The following BAZ2B variants were observed in gnomAD, a reference collection of about 807,000 sequenced individuals.
The protein encoded by BAZ2B is bromodomain adjacent to zinc finger domain 2B.
Under a neutral mutation model 246.0 loss-of-function variants are expected in BAZ2B, and 91 were observed. That is an observed-to-expected ratio of 0.37 (90% CI 0.31 to 0.44). BAZ2B has a LOEUF of 0.44. Ranked by LOEUF, BAZ2B falls within the 20% of genes least tolerant of loss-of-function variation. BAZ2B has a pLI of 1.00. For missense variants in BAZ2B, 2,332 were observed against 2,533.7 expected (o/e 0.92, Z 1.71); for synonymous variants, 855 against 860.0 (o/e 0.99, Z 0.10).
intron 33 of BAZ2B, 136 bp from the exon 34 acceptor site, chr2:159,332,822 C>T: frequency 3.0e-6 from 3 of 994,680 alleles, no homozygotes; most frequent in Non-Finnish European, 4.4e-6. Context: ...AGTAGCCATA[C>T]ACATCTATGT....
intron 6 of BAZ2B, among the ~76,000 whole-genome samples, chr2:159,442,046 T>C (rs1327217271): frequency 1.3e-5 from 2 of 152,124 alleles, no homozygotes; most frequent in African/African-American, 4.8e-5. Flanking sequence ...TAGTGAGAAC[T>C]AGAAGAAGAG....
chr2:159,533,510 A>T (rs927400117), intron 2 of BAZ2B, among the ~76,000 whole-genome samples: 13 of 152,136 alleles, frequency 8.5e-5, no homozygotes, highest in Non-Finnish European at 1.8e-4. Context: ...CATTATCTTA[A>T]TTTCCCCACA....
rs1235025132 is a variant in BAZ2B, at chr2:159,320,099, A to C, written c.*166T>G. On this transcript the variant is annotated 3_prime_UTR_variant, in exon 37 of 37. Coordinates refer to ENST00000392783, the MANE Select transcript of BAZ2B (RefSeq NM_013450.4). ...ACCGAGGGCCTTGGTTGTTGTAGGA[A>C]TGAAGCCTTTAAAAATGGTATCATT... 2 of 600,708 alleles carry C rather than the reference A, an allele frequency of 3.3e-6. No individual in the cohort carries two copies. The highest frequency in any genetic ancestry group is 7.2e-5 in the East Asian group (2 of 27,792). The allele number at this position is 600,708 out of a possible 1,614,324, so 37.2% of individuals were successfully genotyped here.
At chr2:159,400,125 T>C (rs1576557274) in intron 17 of BAZ2B, among the ~76,000 whole-genome samples, 1 of 152,364 alleles carries the variant, frequency 6.6e-6, no homozygotes, top group African/African-American at 2.4e-5. Context: ...CCAACAGATG[T>C]CCTCTATCTC....
At chr2:159,328,061 C>A (rs1332480175) in intron 34 of BAZ2B, among the ~76,000 whole-genome samples, 2 of 91,630 alleles carry the variant, frequency 2.2e-5, no homozygotes, top group Non-Finnish European at 4.4e-5. Flanking sequence ...TGAGACTCAG[C>A]CTCAAAACGA....
the BAZ2B span, among the ~76,000 whole-genome samples, chr2:159,634,611 T>C: frequency 6.6e-6 from 1 of 152,192 alleles, no homozygotes; most frequent in Non-Finnish European, 1.5e-5. Flanking sequence ...TCGCTGCTGG[T>C]TTAATGAATT....
chr2:159,575,772 T>C (rs1459699647), intron 1 of BAZ2B, among the ~76,000 whole-genome samples: 2 of 152,178 alleles, frequency 1.3e-5, no homozygotes, highest in African/African-American at 4.8e-5. Flanking sequence ...TATAAAACTC[T>C]TGAAGTGATA....
chr2:159,677,847 C>G, the BAZ2B span, among the ~76,000 whole-genome samples: 4 of 152,090 alleles, frequency 2.6e-5, no homozygotes, highest in African/African-American at 9.7e-5. Flanking sequence ...AAACTTAAAG[C>G]TGCATCAAGT....
chr2:159,641,557 C>T, the BAZ2B span, among the ~76,000 whole-genome samples: 24 of 152,060 alleles, frequency 1.6e-4, 1 homozygote, highest in Admixed American at 4.6e-4. Context: ...AGAAGCTCTT[C>T]AGTTTAATTA....
chr2:159,580,372 C>G (rs1686447131), intron 1 of BAZ2B, among the ~76,000 whole-genome samples: 1 of 152,084 alleles, frequency 6.6e-6, no homozygotes, highest in Non-Finnish European at 1.5e-5. Flanking sequence ...TGTGAAGGAC[C>G]TCTTCAAGGA....
the BAZ2B span, chr2:159,694,484 C>G: frequency 6.6e-6 from 1 of 152,168 alleles, no homozygotes; most frequent in African/African-American, 2.4e-5. Context: ...TTAGCAGTCA[C>G]TCCTACCTCT....
intron 1 of BAZ2B, among the ~76,000 whole-genome samples, chr2:159,606,052 A>T (rs1398442872): frequency 6.6e-6 from 1 of 152,206 alleles, no homozygotes; most frequent in Admixed American, 6.5e-5. Context: ...ATGATTACAG[A>T]TAAGAGTTAT....
chr2:159,509,322 T>G (rs1019852094), intron 2 of BAZ2B, among the ~76,000 whole-genome samples: 1 of 152,162 alleles, frequency 6.6e-6, no homozygotes, highest in Non-Finnish European at 1.5e-5. Flanking sequence ...AACATCCTTT[T>G]ATAACATTGT....
the BAZ2B span, among the ~76,000 whole-genome samples, chr2:159,680,822 C>T: frequency 6.6e-6 from 1 of 152,156 alleles, no homozygotes; most frequent in Non-Finnish European, 1.5e-5. Flanking sequence ...AACCTATTGC[C>T]CGGGATCCAG....
At chr2:159,464,526 T>C (rs1048606521) in intron 3 of BAZ2B, 3 of 151,812 alleles carry the variant, frequency 2.0e-5, no homozygotes, top group Admixed American at 6.6e-5. Context: ...ATCACTTGGT[T>C]AAGCTGGTAT....
the BAZ2B span, among the ~76,000 whole-genome samples, chr2:159,653,372 T>C: frequency 6.6e-6 from 1 of 152,240 alleles, no homozygotes; most frequent in African/African-American, 2.4e-5. Flanking sequence ...CAACATTTAT[T>C]CTATTAAAGT....
Position 159,496,990 on chromosome 2 carries a change from G to A in BAZ2B, c.-2-18269C>T, listed in dbSNP as rs77499468. On this transcript the variant is annotated intron_variant, in intron 2 of 36. Coordinates refer to ENST00000392783, the MANE Select transcript of BAZ2B (RefSeq NM_013450.4). ...TACAAATCTCTATGCTGGTTTAGTC[G>A]TTAGAAAATAAAGATAAAATCATAG... Among the ~76,000 whole-genome samples the A allele has an allele frequency of 1.3e-4, 20 of 151,864 alleles. No individual in the cohort carries two copies. The East Asian group carries it at 3.1e-3, about 23-fold the overall frequency.
At chr2:159,366,738 A>G (rs1048882709) in intron 27 of BAZ2B, among the ~76,000 whole-genome samples, 5 of 152,218 alleles carry the variant, frequency 3.3e-5, no homozygotes, top group Admixed American at 1.3e-4. Context: ...ATATGCAGCC[A>G]GATTGCTCAT....
At chr2:159,598,104 C>G (rs1417313552) in intron 1 of BAZ2B, among the ~76,000 whole-genome samples, 1 of 152,006 alleles carries the variant, frequency 6.6e-6, no homozygotes, top group African/African-American at 2.4e-5. Context: ...AGCGATTCTC[C>G]TGCCTCAGCC....
Sources: allele counts gnomAD v4.1 joint callset (sites outside exome capture counted in the v4.1 genomes callset), GRCh38; gene constraint gnomAD v4.1.1; transcripts MANE v1.5; gene names NCBI Gene and HGNC (gene_info 2026-07-23, HGNC 2026-07-21).